Variants in SPSB3 observed in about 807,000 individuals in gnomAD.
SPSB3 encodes the protein splA/ryanodine receptor domain and SOCS box containing 3.
In SPSB3, 18 loss-of-function variants were observed where a neutral mutation model predicts 29.5. The ratio of observed to expected loss-of-function variants is 0.61; its 90% CI spans 0.42 to 0.91. SPSB3 has a LOEUF of 0.91. SPSB3 is among the 40% of genes least tolerant of loss of function. SPSB3 has a pLI of 0.00. For missense variants in SPSB3, 540 were observed against 507.5 expected, an observed-to-expected ratio of 1.06 and a Z score of -0.61; for synonymous variants, 299 against 214.1, an observed-to-expected ratio of 1.40 and a Z score of -3.46.
Position 1,777,004 on chromosome 16 carries a change from C to T in SPSB3, c.*93G>A. On this transcript the variant is annotated 3_prime_UTR_variant, in exon 7 of 7. Transcript: ENST00000566339. The stretch of plus-strand genomic sequence containing the variant: ...CCGGACGGGCCTCATCCAACTCCGC[C>T]CTGGAGTGTGGCTGGAAGGAAGGGA... 2 of 1,449,594 alleles carry T rather than the reference C, an allele frequency of 1.4e-6. No homozygotes were observed. The highest frequency in any genetic ancestry group is 1.3e-5 in the South Asian group (1 of 77,584). 89.8% of individuals were successfully genotyped at this position (1,449,594 alleles called of 1,614,324 possible). A position where few individuals can be genotyped will look rare whatever the true frequency, so the allele number is the denominator to read the frequency against.
Position 1,777,258 on chromosome 16 carries a change from G to A in SPSB3, c.907C>T (p.Pro303Ser). Residue 303 changes from proline to serine, a missense_variant, in exon 7 of 7, where the codon CCG (proline) becomes TCG (serine). Physicochemically the swap from Pro to Ser is moderately conservative, Grantham distance 74. Coordinates refer to ENST00000566339, the MANE Select transcript of SPSB3 (RefSeq NM_080861.4). Reference protein sequence around the residue: ...GDTLEGLPLPPGLKQVLHNKL... With the variant: ...GDTLEGLPLPSGLKQVLHNKL... ...TTGTGTAGCACCTGCTTGAGGCCCG[G>A]CGGCAGCGGCAGACCCTCCAGCGTG... 2 of 1,610,542 alleles carry A rather than the reference G, an allele frequency of 1.2e-6. No homozygotes were observed. The highest frequency in any genetic ancestry group is 2.2e-5 in the South Asian group (2 of 91,082).
In SPSB3 at chr16:1,776,994, C is replaced by T; in HGVS notation, c.*103G>A. 2 of 1,384,918 alleles carry T rather than the reference C, an allele frequency of 1.4e-6. No homozygotes were observed. The highest frequency in any genetic ancestry group is 2.0e-6 in the Non-Finnish European group (2 of 1,018,832). The allele number at this position is 1,384,918 out of a possible 1,614,324, so 85.8% of individuals were successfully genotyped here. A position where few individuals can be genotyped will look rare whatever the true frequency, so the allele number is the denominator to read the frequency against. On this transcript the variant is annotated 3_prime_UTR_variant, in exon 7 of 7. Coordinates refer to ENST00000566339, the MANE Select transcript of SPSB3 (RefSeq NM_080861.4). ...ATGGCTCCCTCCGGACGGGCCTCAT[C>T]CAACTCCGCCCTGGAGTGTGGCTGG...
chr16:1,782,204 C>A (rs1307893684), intron 1 of SPSB3: 1 of 152,184 alleles, frequency 6.6e-6, no homozygotes, highest in African/African-American at 2.4e-5. Context: ...CCGCTGGGCC[C>A]CGGGTGGGGT....
At chr16:1,780,092 G>A (rs1896662661) in intron 2 of SPSB3, 1 of 152,574 alleles carries the variant, frequency 6.6e-6, no homozygotes, top group Non-Finnish European at 1.5e-5. Context: ...AGCTGTGACA[G>A]CAGAGAGCAG....
Position 1,777,944 on chromosome 16 carries a change from A to T in SPSB3, c.595+2T>A. On this transcript the variant is annotated splice_donor_variant, in intron 5 of 6. Transcript: ENST00000566339. LOFTEE classifies it high-confidence loss of function. ...CCCCGCCCCACCCTGGGCCTCACGC[A>T]CCCGTGTAGGAGAGGCCCCAGCTGT... 6.2e-7 allele frequency: 1 copy of T among 1,612,432 alleles called. No individual in the cohort carries two copies. The highest frequency in any genetic ancestry group is 8.5e-7 in the Non-Finnish European group (1 of 1,179,846).
At position 1,777,435 on chromosome 16, in the gene SPSB3, C is replaced by A. The variant is rs1167112370; in HGVS notation, c.730G>T (p.Ala244Ser). The change falls in exon 7 of 7, where the codon GCC becomes TCC. Residue 244 changes from alanine to serine, a missense_variant. Physicochemically the swap from Ala to Ser is moderately conservative, Grantham distance 99. Coordinates refer to ENST00000566339, the MANE Select transcript of SPSB3 (RefSeq NM_080861.4). Reference sequence around the variant, plus strand: ...AATCTCTTGTTCTGCAGCTTGGTGGCTGCCACACCTGGAAGGGAGGGGCCC... The same window carrying A: ...AATCTCTTGTTCTGCAGCTTGGTGGATGCCACACCTGGAAGGGAGGGGCCC... ...FKNRKCIGVAATKLQNKRFYP... is the reference protein window; with the variant it reads ...FKNRKCIGVASTKLQNKRFYP... 3 of 1,516,116 alleles carry A rather than the reference C, an allele frequency of 2.0e-6. No individual in the cohort carries two copies. Among genetic ancestry groups the A allele is most frequent in the African/African-American group, 2.7e-5 (2 of 73,088 alleles). 93.9% of individuals were successfully genotyped at this position (1,516,116 alleles called of 1,614,324 possible). A position where few individuals can be genotyped will look rare whatever the true frequency, so the allele number is the denominator to read the frequency against.
chr16:1,777,198 G>T lies in SPSB3; in HGVS notation c.967C>A (p.Arg323Ser). ...LGWVLSMSCS[R>S]RKAPVSDPQA... ...GGATCGGACACTGGAGCCTTGCGGC[G>T]GCTGCAACTCATGCTCAGGACCCAG... The change falls in exon 7 of 7, where the codon CGC (arginine) becomes AGC (serine). Residue 323 changes from arginine (R) to serine (S), a missense_variant. By Grantham distance (110) the Arg-to-Ser change is moderately radical. Transcript: ENST00000566339. 1.9e-6 allele frequency: 3 copies of T among 1,610,482 alleles called. No homozygotes were observed. The highest frequency in any genetic ancestry group is 1.7e-6 in the Non-Finnish European group (2 of 1,179,830).
chr16:1,776,979 C>T lies in SPSB3; in HGVS notation c.*118G>A, dbSNP rs1034962952. On this transcript the variant is annotated 3_prime_UTR_variant, in exon 7 of 7. Transcript: ENST00000566339. ...CCTCGGGAGCAAGAGATGGCTCCCTCCGGACGGGCCTCATCCAACTCCGCC... is the reference window on the plus strand; with the variant it reads ...CCTCGGGAGCAAGAGATGGCTCCCTTCGGACGGGCCTCATCCAACTCCGCC... The T allele has an allele frequency of 2.5e-6, 3 of 1,200,164 alleles. No individual in the cohort carries two copies. The highest frequency in any genetic ancestry group is 3.5e-6 in the Non-Finnish European group (3 of 863,252). 74.3% of individuals were successfully genotyped at this position (1,200,164 alleles called of 1,614,324 possible).
At chr16:1,777,701 C>T in intron 6 of SPSB3, 46 bp downstream of exon 6, 1 of 1,602,078 alleles carries the variant, frequency 6.2e-7, no homozygotes, top group Non-Finnish European at 8.5e-7. Flanking sequence ...GGCTGCCTCC[C>T]TCGGGGTGAC....
At chr16:1,782,337 C>T (rs1283998390) in intron 1 of SPSB3, 165 bp downstream of exon 1, 2 of 151,780 alleles carry the variant, frequency 1.3e-5, no homozygotes, top group African/African-American at 4.8e-5. Flanking sequence ...TTCCCTCCCG[C>T]GGGCGCGCGG....
rs763574499 is a variant in SPSB3, at chr16:1,778,578, G to T, written c.161C>A (p.Thr54Lys). 1.1e-5 allele frequency: 18 copies of T among 1,591,486 alleles called. No homozygotes were observed. Among genetic ancestry groups the T allele is most frequent in the South Asian group, 2.2e-5 (2 of 90,106 alleles). Reference protein sequence around the residue: ...SDSDSDPEYSTLPPSIPSAVP... With the variant: ...SDSDSDPEYSKLPPSIPSAVP... ...CGCACTGGGGATGGATGGCGGCAGC[G>T]TGGAGTACTCGGGGTCGGAGTCCGA... Residue 54 changes from threonine to lysine, a missense_variant, in exon 3 of 7, where the codon ACG (threonine) becomes AAG (lysine). Thr to Lys is a moderately conservative substitution (Grantham distance 78, BLOSUM62 -1). Coordinates refer to ENST00000566339, the MANE Select transcript of SPSB3 (RefSeq NM_080861.4).
intron 1 of SPSB3, 23 bp from the exon 2 acceptor site, chr16:1,781,518 G>A (rs185130948): frequency 6.2e-7 from 1 of 1,604,906 alleles, no homozygotes; most frequent in Admixed American, 1.7e-5. Flanking sequence ...ACAGGCTCTG[G>A]GCAAAGGAAG....
rs1320300562 is a variant in SPSB3 at position 1,781,168 on chromosome 16, C to A, written c.126+190G>T. On this transcript the variant is annotated intron_variant, in intron 2 of 6. Coordinates refer to ENST00000566339, the MANE Select transcript of SPSB3 (RefSeq NM_080861.4). The stretch of plus-strand genomic sequence containing the variant: ...CTGTCACCCCTGAGGCTGTGTGTGT[C>A]CTTTGCCAAATTAAAGAGTCTTACT... 5.2e-6 allele frequency: 8 copies of A among 1,532,560 alleles called. No individual in the cohort carries two copies. In the African/African-American group the frequency reaches 1.1e-4, roughly 21 times the overall value. 94.9% of individuals were successfully genotyped at this position (1,532,560 alleles called of 1,614,324 possible).
chr16:1,778,500 G>T lies in SPSB3; in HGVS notation c.239C>A (p.Ser80Tyr). 1.2e-6 allele frequency: 2 copies of T among 1,612,082 alleles called. No individual in the cohort carries two copies. The highest frequency in any genetic ancestry group is 8.5e-7 in the Non-Finnish European group (1 of 1,179,650). The change falls in exon 3 of 7, where the codon TCC becomes TAC. Residue 80 changes from serine to tyrosine, a missense_variant. By Grantham distance (144) the Ser-to-Tyr change is moderately radical. Transcript: ENST00000566339. ...FCDCAGQSEA[S>Y]FCSSLHSAHR... ...GGCCGAGTGCAGGCTGCTACAGAAGGAGGCCTCGCTCTGCCCAGCACAGTC... is the reference window on the plus strand; with the variant it reads ...GGCCGAGTGCAGGCTGCTACAGAAGTAGGCCTCGCTCTGCCCAGCACAGTC...
At position 1,777,139 on chromosome 16, in the gene SPSB3, G is replaced by T. The variant is rs141858238; in HGVS notation, c.1026C>A (p.Arg342=). 1.9e-6 allele frequency: 3 copies of T among 1,611,584 alleles called. No individual in the cohort carries two copies. Among genetic ancestry groups the T allele is most frequent in the Non-Finnish European group, 2.5e-6 (3 of 1,179,738 alleles). Residue 342 remains arginine (R), a synonymous_variant, in exon 7 of 7, where the codon CGC becomes CGA. Coordinates refer to ENST00000566339, the MANE Select transcript of SPSB3 (RefSeq NM_080861.4). ...GCTTCCTCTGGCAGGGCCGAGGCTC[G>T]CGACTGCTGGGGTGGGCGGAGGTCG... is the stretch of plus-strand genomic sequence containing the variant. The part of the protein sequence containing the change: ...QAATSAHPSS[R]EPRPCQRKRC...
chr16:1,777,666 A>G lies in SPSB3; in HGVS notation c.721+81T>C. On this transcript the variant is annotated intron_variant, in intron 6 of 6. Coordinates refer to ENST00000566339, the MANE Select transcript of SPSB3 (RefSeq NM_080861.4). Reference sequence around the variant, plus strand: ...GGGAGGAACCCTTTCAGAAAACCTCAGTGTCCCCTGGGCTGGGGCGGGGTG... The same window carrying G: ...GGGAGGAACCCTTTCAGAAAACCTCGGTGTCCCCTGGGCTGGGGCGGGGTG... 1.9e-6 allele frequency: 3 copies of G among 1,573,268 alleles called. No homozygotes were observed. The South Asian group carries it at 3.4e-5, about 18-fold the overall frequency.
intron 2 of SPSB3, 73 bp downstream of exon 2, chr16:1,781,285 A>G (rs1313930925): frequency 3.7e-6 from 6 of 1,611,996 alleles, no homozygotes; most frequent in Non-Finnish European, 5.1e-6. Flanking sequence ...GTGTTCAGGT[A>G]ATGTCTGCCT....
In SPSB3 at chr16:1,777,539, C is replaced by G. The variant is rs933499155; in HGVS notation, c.722-96G>C. The G allele has an allele frequency of 4.4e-6, 6 of 1,365,844 alleles. No homozygotes were observed. The African/African-American group carries it at 5.8e-5, about 13-fold the overall frequency. The allele number at this position is 1,365,844 out of a possible 1,614,324, so 84.6% of individuals were successfully genotyped here. On this transcript the variant is annotated intron_variant, in intron 6 of 6. Coordinates refer to ENST00000566339, the MANE Select transcript of SPSB3 (RefSeq NM_080861.4). ...CTCACGCTACAGTCACCCGGGTGGGCAGCTGGCACAGCTGAGGCAAGGCAG... is the reference window on the plus strand; with the variant it reads ...CTCACGCTACAGTCACCCGGGTGGGGAGCTGGCACAGCTGAGGCAAGGCAG...
rs750714283 is a variant in SPSB3, at chr16:1,778,131, T to G, written c.492+3A>C. The G allele has an allele frequency of 6.2e-7, 1 of 1,612,750 alleles. No individual in the cohort carries two copies. Among genetic ancestry groups the G allele is most frequent in the Non-Finnish European group, 8.5e-7 (1 of 1,179,710 alleles). On this transcript the variant is annotated splice_donor_region_variant and intron_variant, in intron 4 of 6. Coordinates refer to ENST00000566339, the MANE Select transcript of SPSB3 (RefSeq NM_080861.4). The stretch of plus-strand genomic sequence containing the variant: ...AGAAGCACCCTGGGCCGAAGCAACT[T>G]ACCATGTCGGTGCCGTAGACGGGAG...
Sources: allele counts gnomAD v4.1 joint callset, GRCh38; gene constraint gnomAD v4.1.1; transcripts MANE v1.5; gene names NCBI Gene and HGNC (gene_info 2026-07-23, HGNC 2026-07-21).